The following LUZP2 variants were observed in gnomAD, a reference collection of about 807,000 sequenced individuals.
LUZP2 encodes the protein leucine zipper protein 2.
In LUZP2, 52 loss-of-function variants were observed where a neutral mutation model predicts 51.6. That is an observed-to-expected ratio of 1.01 (90% confidence interval 0.81 to 1.27). LUZP2 has a LOEUF of 1.27. LUZP2 is among the 50% of genes most tolerant of loss of function. The pLI is 0.00. For synonymous variants in LUZP2, 154 were observed against 137.3 expected (o/e 1.12, Z -0.85); for missense variants, 436 against 395.4 (o/e 1.10, Z -0.87).
In LUZP2 at chr11:25,033,136, G is replaced by A. The variant is rs569396239; in HGVS notation, c.766-16902G>A. On this transcript the variant is annotated intron_variant, in intron 9 of 11. Coordinates refer to ENST00000336930, the MANE Select transcript of LUZP2 (RefSeq NM_001009909.4). ...ATTAGTCCTGAAATACCATAAGGGT[G>A]GGGAATAGAGCAGTAACTAAGGACA... Among the ~76,000 whole-genome samples, 5 of 152,250 alleles carry A rather than the reference G, an allele frequency of 3.3e-5. No homozygotes were observed. In the South Asian group the frequency reaches 1.0e-3, roughly 32 times the overall value.
chr11:24,769,801 G>GTTTTTT (rs1316359009), intron 5 of LUZP2, among the ~76,000 whole-genome samples: 2 of 146,212 alleles, frequency 1.4e-5, no homozygotes, highest in African/African-American at 5.4e-5. Flanking sequence ...TTGTTTGTTT[G>GTTTTTT]TTTTGTTTTG....
At chr11:24,559,962 T>C (rs1341082578) in intron 1 of LUZP2, among the ~76,000 whole-genome samples, 1 of 152,070 alleles carries the variant, frequency 6.6e-6, no homozygotes, top group African/African-American at 2.4e-5. Context: ...AATCACACAC[T>C]GGGACCTGTC....
At chr11:24,740,010 C>T (rs1484972695) in intron 4 of LUZP2, among the ~76,000 whole-genome samples, 2 of 152,216 alleles carry the variant, frequency 1.3e-5, no homozygotes, top group Middle Eastern at 3.4e-3. Flanking sequence ...CCGGACCTAG[C>T]TTACTGAATG....
At chr11:24,504,859 A>G (rs1253325734) in intron 1 of LUZP2, among the ~76,000 whole-genome samples, 1 of 152,194 alleles carries the variant, frequency 6.6e-6, no homozygotes, top group East Asian at 1.9e-4. Context: ...GGCTTTCATG[A>G]AGATGTGAAA....
chr11:24,777,458 C>G (rs1848968886), intron 5 of LUZP2, among the ~76,000 whole-genome samples: 1 of 152,052 alleles, frequency 6.6e-6, no homozygotes, highest in Admixed American at 6.6e-5. Context: ...GAAACAAATT[C>G]AAATAATATA....
chr11:25,074,771 A>G (rs1859251391), intron 10 of LUZP2, among the ~76,000 whole-genome samples: 1 of 152,130 alleles, frequency 6.6e-6, no homozygotes, highest in African/African-American at 2.4e-5. Flanking sequence ...CCATATTTAT[A>G]GGACAGAATT....
chr11:24,637,815 C>A (rs1855155593), intron 1 of LUZP2, among the ~76,000 whole-genome samples: 1 of 151,766 alleles, frequency 6.6e-6, no homozygotes, highest in Admixed American at 6.6e-5. Flanking sequence ...GGGACACAGA[C>A]CCTCATCAAT....
intron 5 of LUZP2, among the ~76,000 whole-genome samples, chr11:24,849,384 G>T (rs2134218154): frequency 6.6e-6 from 1 of 152,140 alleles, no homozygotes; most frequent in Admixed American, 6.6e-5. Context: ...TGTGGTGTTT[G>T]GTTTTCTGTT....
In LUZP2 at chr11:24,694,399, C is replaced by A. The variant is rs562128364; in HGVS notation, c.63-34770C>A. ...GACTCACCTTGACTACCTTACTCAA[C>A]ACTGTAATGTCAGTCTTTTGTGTTT... On this transcript the variant is annotated intron_variant, in intron 1 of 11. Coordinates refer to ENST00000336930, the MANE Select transcript of LUZP2 (RefSeq NM_001009909.4). Among the ~76,000 whole-genome samples, 4 of 152,220 alleles carry A rather than the reference C, an allele frequency of 2.6e-5. No homozygotes were observed. The East Asian group carries it at 7.7e-4, about 29-fold the overall frequency.
chr11:24,996,033 A>G (rs1306261582), intron 9 of LUZP2, among the ~76,000 whole-genome samples: 2 of 150,776 alleles, frequency 1.3e-5, no homozygotes, highest in East Asian at 1.9e-4. Flanking sequence ...TTATTTTTAT[A>G]TATTTTATTT....
intron 7 of LUZP2, among the ~76,000 whole-genome samples, chr11:24,963,401 G>T (rs1467738763): frequency 1.3e-5 from 2 of 152,338 alleles, no homozygotes; most frequent in African/African-American, 2.4e-5. Flanking sequence ...GCCTCCTTGA[G>T]CTGTGGTGGG....
intron 1 of LUZP2, among the ~76,000 whole-genome samples, chr11:24,562,519 T>G (rs965345563): frequency 2.6e-5 from 4 of 151,512 alleles, no homozygotes; most frequent in Non-Finnish European, 4.4e-5. Context: ...GAGATAGATG[T>G]AAGTCTATCA....
At chr11:24,705,292 T>C (rs12791666) in intron 1 of LUZP2, among the ~76,000 whole-genome samples, 4 of 152,158 alleles carry the variant, frequency 2.6e-5, no homozygotes, top group Admixed American at 2.0e-4. Flanking sequence ...AAGGAGAAAG[T>C]AAGAGGATGT....
intron 7 of LUZP2, among the ~76,000 whole-genome samples, chr11:24,926,501 A>ATGTGTGTGTGTATATACGTGTATATATG (rs369388590): frequency 7.4e-6 from 1 of 135,644 alleles, no homozygotes; most frequent in African/African-American, 2.8e-5. Flanking sequence ...ATGTGTATAT[A>ATGTGTGTGTGTATATACGTGTATATATG]TGTGTGTGTA....
intron 9 of LUZP2, among the ~76,000 whole-genome samples, chr11:24,989,089 T>C (rs1856261763): frequency 7.7e-6 from 1 of 129,630 alleles, no homozygotes; most frequent in South Asian, 2.7e-4. Context: ...AAGGCTTAGA[T>C]TCCTGTGCAG....
intron 1 of LUZP2, among the ~76,000 whole-genome samples, chr11:24,670,332 T>C (rs1856363444): frequency 6.6e-6 from 1 of 152,092 alleles, no homozygotes; most frequent in African/African-American, 2.4e-5. Flanking sequence ...ATGGTCATAA[T>C]AACAGTCACA....
At chr11:25,016,670 T>C (rs1222519198) in intron 9 of LUZP2, among the ~76,000 whole-genome samples, 1 of 152,178 alleles carries the variant, frequency 6.6e-6, no homozygotes, top group Non-Finnish European at 1.5e-5. Flanking sequence ...TATCCACTTA[T>C]CAGTTGATGT....
chr11:24,556,139 A>T (rs1851863101), intron 1 of LUZP2, among the ~76,000 whole-genome samples: 1 of 152,208 alleles, frequency 6.6e-6, no homozygotes, highest in Non-Finnish European at 1.5e-5. Context: ...TTTCAGTGGC[A>T]TCACCTAAAT....
intron 1 of LUZP2, among the ~76,000 whole-genome samples, chr11:24,672,850 C>CA (rs1856440914): frequency 6.6e-6 from 1 of 152,168 alleles, no homozygotes; most frequent in Non-Finnish European, 1.5e-5. Flanking sequence ...AGACCAGTAC[C>CA]AATCCGTGGC....
Sources: allele counts gnomAD v4.1 joint callset (sites outside exome capture counted in the v4.1 genomes callset), GRCh38; gene constraint gnomAD v4.1.1; transcripts MANE v1.5; gene names NCBI Gene and HGNC (gene_info 2026-07-23, HGNC 2026-07-21).